RPS6KA5: variants seen among roughly 807,000 people sequenced by gnomAD.
RPS6KA5 encodes the protein ribosomal protein S6 kinase A5.
A neutral mutation model predicts 85.5 loss-of-function variants in RPS6KA5; 27 were observed. The ratio of observed to expected loss-of-function variants is 0.32; its 90% confidence interval spans 0.23 to 0.44. RPS6KA5 has a LOEUF of 0.44. RPS6KA5 is among the 20% of genes least tolerant of loss of function. The pLI is 1.00. For missense variants in RPS6KA5, 811 were observed against 980.9 expected (o/e 0.83, Z 2.31); for synonymous variants, 334 against 348.2 (o/e 0.96, Z 0.46).
rs111709866 is a variant in RPS6KA5, at chr14:91,006,326, T to C, written c.104-5167A>G. Among the ~76,000 whole-genome samples, 646 of 152,304 alleles carry C rather than the reference T, an allele frequency of 4.2e-3. 4 individuals are homozygous for C. Among genetic ancestry groups the C allele is most frequent in the African/African-American group, 0.014 (596 of 41,578 alleles). On this transcript the variant is annotated intron_variant, in intron 1 of 16. Transcript: ENST00000614987. ...TAGTTAGCTAAGCAGATTCAGGGGT[T>C]CTCCTGGGACCTGGTTCTATGATCT... is the stretch of plus-strand genomic sequence containing the variant.
At chr14:90,916,038 C>A (rs1035202589) in intron 7 of RPS6KA5, among the ~76,000 whole-genome samples, 10 of 151,800 alleles carry the variant, frequency 6.6e-5, no homozygotes, top group African/African-American at 2.4e-4. Flanking sequence ...AAGATTTATC[C>A]TAGATAAAAC....
intron 7 of RPS6KA5, among the ~76,000 whole-genome samples, chr14:90,910,444 T>C (rs909952498): frequency 6.6e-6 from 1 of 152,102 alleles, no homozygotes; most frequent in African/African-American, 2.4e-5. Flanking sequence ...GCAAGGATGA[T>C]GAAATATTCA....
At chr14:90,980,702 C>T (rs1203862509) in intron 2 of RPS6KA5, among the ~76,000 whole-genome samples, 1 of 152,208 alleles carries the variant, frequency 6.6e-6, no homozygotes, top group Non-Finnish European at 1.5e-5. Flanking sequence ...CTGTGGTCTA[C>T]CTGCTTCACT....
At chr14:90,962,641 C>A (rs2038865941) in intron 3 of RPS6KA5, among the ~76,000 whole-genome samples, 1 of 151,308 alleles carries the variant, frequency 6.6e-6, no homozygotes, top group South Asian at 2.1e-4. Flanking sequence ...GGCTGGAGTG[C>A]AGTATGAACC....
rs2032779235 is a variant in RPS6KA5, at chr14:90,865,796, T to A, written c.*6278A>T. On this transcript the variant is annotated 3_prime_UTR_variant, in exon 17 of 17. Transcript: ENST00000614987. ...ATAAGCACTTTATGAAGCTTATAAG[T>A]TCCTTTATGTACACAGTAGACAAAG... is the stretch of plus-strand genomic sequence containing the variant. The A allele has an allele frequency of 6.6e-6, 1 of 152,108 alleles. No individual in the cohort carries two copies. The highest frequency in any genetic ancestry group is 2.4e-5 in the African/African-American group (1 of 41,422). 9.4% of individuals were successfully genotyped at this position (152,108 alleles called of 1,614,324 possible).
intron 1 of RPS6KA5, among the ~76,000 whole-genome samples, chr14:91,031,704 C>CA (rs1344945133): frequency 2.6e-5 from 4 of 151,112 alleles, no homozygotes; most frequent in Admixed American, 2.0e-4. Context: ...GAAAAACAAC[C>CA]AAAAAAAACT....
rs927256295 is a variant in RPS6KA5, at chr14:90,849,936, C to T, written c.*22138G>A. 1 of 152,282 alleles carries T rather than the reference C, an allele frequency of 6.6e-6. No individual in the cohort carries two copies. The highest frequency in any genetic ancestry group is 1.5e-5 in the Non-Finnish European group (1 of 68,120). 9.4% of individuals were successfully genotyped at this position (152,282 alleles called of 1,614,324 possible). The stretch of plus-strand genomic sequence containing the variant: ...CATGGCCGTGCATGGTGGCTCATGC[C>T]TGTAATCCCATCACTTTGGGAGGCC... On this transcript the variant is annotated 3_prime_UTR_variant, in exon 17 of 17. Coordinates refer to ENST00000614987, the MANE Select transcript of RPS6KA5 (RefSeq NM_004755.4).
chr14:90,925,958 AAAAAG>A (rs1566748750), intron 5 of RPS6KA5, among the ~76,000 whole-genome samples: 4 of 149,660 alleles, frequency 2.7e-5, no homozygotes, highest in East Asian at 1.9e-4. Context: ...AAAAAAAAAA[AAAAAG>A]AAAAGAAAAG....
chr14:90,948,209 AT>A (rs1315180152), intron 3 of RPS6KA5, among the ~76,000 whole-genome samples: 2 of 152,228 alleles, frequency 1.3e-5, no homozygotes, highest in Admixed American at 6.5e-5. Context: ...GAGCTGGTTA[AT>A]TTTTTAAAAA....
chr14:90,893,961 A>T, intron 13 of RPS6KA5: 1 of 822,762 alleles, frequency 1.2e-6, no homozygotes, highest in Non-Finnish European at 1.5e-6. Flanking sequence ...AAACCAAGAC[A>T]ACTCTTTAAG....
chr14:90,899,002 G>A (rs554227698), intron 12 of RPS6KA5, among the ~76,000 whole-genome samples: 1 of 152,298 alleles, frequency 6.6e-6, no homozygotes, highest in South Asian at 2.1e-4. Flanking sequence ...AGGATTAAGT[G>A]ATGGTGGGTA....
At chr14:90,930,907 C>T (rs7152730) in intron 5 of RPS6KA5, among the ~76,000 whole-genome samples, 8 of 152,140 alleles carry the variant, frequency 5.3e-5, no homozygotes, top group East Asian at 1.9e-4. Flanking sequence ...GGCAAAGATA[C>T]GGAGAACCTG....
intron 12 of RPS6KA5, among the ~76,000 whole-genome samples, chr14:90,898,243 T>C (rs2034951477): frequency 6.6e-6 from 1 of 152,212 alleles, no homozygotes; most frequent in African/African-American, 2.4e-5. Context: ...TCTCACCTCA[T>C]GGACCTATGG....
intron 14 of RPS6KA5, among the ~76,000 whole-genome samples, chr14:90,876,397 T>C (rs890126704): frequency 1.3e-5 from 2 of 152,254 alleles, no homozygotes; most frequent in Non-Finnish European, 2.9e-5. Flanking sequence ...TTTCTCACTG[T>C]TGTCTTAAAT....
In RPS6KA5 at chr14:90,965,685, G is replaced by A. The variant is rs748964884; in HGVS notation, c.394+12621C>T. Among the ~76,000 whole-genome samples, 5 of 152,086 alleles carry A rather than the reference G, an allele frequency of 3.3e-5. No homozygotes were observed. In the South Asian group the frequency reaches 1.0e-3, roughly 32 times the overall value. On this transcript the variant is annotated intron_variant, in intron 3 of 16. Coordinates refer to ENST00000614987, the MANE Select transcript of RPS6KA5 (RefSeq NM_004755.4). ...CCAGACCCAGGTGACACATTTTGTT[G>A]ACACACGAGGAAAGCTTAGCAATCT... is the stretch of plus-strand genomic sequence containing the variant.
chr14:91,020,457 A>G (rs1458479477), intron 1 of RPS6KA5, among the ~76,000 whole-genome samples: 1 of 151,892 alleles, frequency 6.6e-6, no homozygotes, highest in Non-Finnish European at 1.5e-5. Context: ...CAATTTATAT[A>G]AGGGACTTGA....
intron 2 of RPS6KA5, among the ~76,000 whole-genome samples, chr14:91,000,416 A>C (rs1266690550): frequency 6.6e-6 from 1 of 152,234 alleles, no homozygotes; most frequent in Admixed American, 6.5e-5. Context: ...GAGTTGAACA[A>C]AGATTGAATA....
At chr14:90,890,741 A>AT in intron 13 of RPS6KA5, 63 bp from the exon 14 acceptor site, 13 of 1,429,436 alleles carry the variant, frequency 9.1e-6, no homozygotes, top group Non-Finnish European at 1.3e-5. Flanking sequence ...TGCTGGTACT[A>AT]TTTATGTAAC....
At chr14:91,022,552 T>C (rs561598670) in intron 1 of RPS6KA5, among the ~76,000 whole-genome samples, 86 of 152,262 alleles carry the variant, frequency 5.6e-4, no homozygotes, top group African/African-American at 1.9e-3. Context: ...AGAATTCAGG[T>C]CCTACCTCAG....
Sources: allele counts gnomAD v4.1 joint callset (sites outside exome capture counted in the v4.1 genomes callset), GRCh38; gene constraint gnomAD v4.1.1; transcripts MANE v1.5; gene names NCBI Gene and HGNC (gene_info 2026-07-23, HGNC 2026-07-21).